Variants in MLLT3 observed in about 807,000 individuals in gnomAD.
MLLT3 encodes the protein MLLT3 super elongation complex subunit.
Under a neutral mutation model 53.2 loss-of-function variants are expected in MLLT3, and 4 were observed. The observed-to-expected ratio is 0.08, with a 90% CI of 0.04 to 0.17. The LOEUF is 0.17. MLLT3 is among the 10% of genes least tolerant of loss of function. The pLI, the probability that MLLT3 is intolerant of heterozygous loss-of-function variation, is 1.00. For missense variants in MLLT3, 569 were observed against 684.0 expected (o/e 0.83, Z 1.87); for synonymous variants, 283 against 230.6 (o/e 1.23, Z -2.06).
intron 2 of MLLT3, among the ~76,000 whole-genome samples, chr9:20,585,987 C>G (rs1046809028): frequency 6.6e-6 from 1 of 152,076 alleles, no homozygotes; most frequent in Non-Finnish European, 1.5e-5. Flanking sequence ...CTTTTCCTCA[C>G]GGGCTGCTGA....
At chr9:20,467,886 T>G (rs1485958817) in intron 2 of MLLT3, among the ~76,000 whole-genome samples, 2 of 152,240 alleles carry the variant, frequency 1.3e-5, no homozygotes, top group Non-Finnish European at 2.9e-5. Flanking sequence ...TGGCAGGTGT[T>G]TTCCTCACTT....
At chr9:20,437,019 G>T (rs1243100821) in intron 4 of MLLT3, among the ~76,000 whole-genome samples, 1 of 151,966 alleles carries the variant, frequency 6.6e-6, no homozygotes, top group East Asian at 1.9e-4. Context: ...TTAGTAATGT[G>T]CCCAAAGACA....
At chr9:20,611,655 A>T (rs1197908181) in intron 2 of MLLT3, among the ~76,000 whole-genome samples, 1 of 151,940 alleles carries the variant, frequency 6.6e-6, no homozygotes, top group African/African-American at 2.4e-5. Context: ...TTTCTTTAAT[A>T]AAAAAAATGG....
At chr9:20,560,676 T>C (rs1571651) in intron 2 of MLLT3, among the ~76,000 whole-genome samples, 108,404 of 152,144 alleles carry the variant, frequency 0.71, 41,325 homozygotes, top group Middle Eastern at 0.89. Flanking sequence ...ATTTTAAGGA[T>C]TGTGGGCGGG....
chr9:20,596,230 A>G (rs1300135015), intron 2 of MLLT3, among the ~76,000 whole-genome samples: 1 of 152,246 alleles, frequency 6.6e-6, no homozygotes, highest in Non-Finnish European at 1.5e-5. Context: ...ATAAATGCTG[A>G]ATAAAAGCTT....
intron 2 of MLLT3, among the ~76,000 whole-genome samples, chr9:20,474,846 CTCA>C (rs1824482439): frequency 6.6e-6 from 1 of 152,066 alleles, no homozygotes; most frequent in African/African-American, 2.4e-5. Context: ...TATTCCAAAT[CTCA>C]TCAAGACTTG....
At chr9:20,397,418 G>A (rs1271379706) in intron 5 of MLLT3, among the ~76,000 whole-genome samples, 1 of 152,042 alleles carries the variant, frequency 6.6e-6, no homozygotes, top group Non-Finnish European at 1.5e-5. Context: ...ACCCACCAGC[G>A]ATTGGCAAGA....
At chr9:20,590,747 T>C (rs1197299809) in intron 2 of MLLT3, among the ~76,000 whole-genome samples, 3 of 152,166 alleles carry the variant, frequency 2.0e-5, no homozygotes, top group Admixed American at 6.5e-5. Context: ...CTTCTTTTTT[T>C]TCCTTAGTGG....
chr9:20,369,032 C>T (rs1215796845), intron 5 of MLLT3, among the ~76,000 whole-genome samples: 2 of 152,074 alleles, frequency 1.3e-5, no homozygotes, highest in Non-Finnish European at 2.9e-5. Context: ...GCCTACAGCC[C>T]CACCCAGGAG....
intron 2 of MLLT3, among the ~76,000 whole-genome samples, chr9:20,534,828 G>A (rs979767509): frequency 1.3e-5 from 2 of 152,174 alleles, no homozygotes; most frequent in Non-Finnish European, 2.9e-5. Flanking sequence ...AGAGCTTGCA[G>A]TGAGCTGAGA....
chr9:20,357,634 C>A (rs1821201761), intron 8 of MLLT3, among the ~76,000 whole-genome samples: 1 of 152,176 alleles, frequency 6.6e-6, no homozygotes, highest in African/African-American at 2.4e-5. Flanking sequence ...CAACAGTACT[C>A]AGGTTAATTA....
At chr9:20,617,608 T>C (rs896742403) in intron 2 of MLLT3, among the ~76,000 whole-genome samples, 1 of 152,212 alleles carries the variant, frequency 6.6e-6, no homozygotes, top group African/African-American at 2.4e-5. Context: ...ATTTCAGTCA[T>C]ATCAGACTAG....
At chr9:20,548,679 C>A (rs1818850296) in intron 2 of MLLT3, among the ~76,000 whole-genome samples, 1 of 152,130 alleles carries the variant, frequency 6.6e-6, no homozygotes, top group Non-Finnish European at 1.5e-5. Context: ...TCTGCGGGCT[C>A]TGGGCAGCAG....
intron 2 of MLLT3, among the ~76,000 whole-genome samples, chr9:20,480,160 G>A (rs1237780827): frequency 6.6e-6 from 1 of 152,180 alleles, no homozygotes; most frequent in Non-Finnish European, 1.5e-5. Flanking sequence ...AGGCAAAGAA[G>A]TAAGCAAAAT....
chr9:20,404,258 G>C (rs962194144), intron 5 of MLLT3, among the ~76,000 whole-genome samples: 1 of 152,182 alleles, frequency 6.6e-6, no homozygotes, highest in Non-Finnish European at 1.5e-5. Context: ...TGTGATCATG[G>C]ATTATAAATC....
At chr9:20,580,523 T>C (rs1174031333) in intron 2 of MLLT3, among the ~76,000 whole-genome samples, 2 of 152,160 alleles carry the variant, frequency 1.3e-5, no homozygotes, top group Admixed American at 1.3e-4. Context: ...TCTTGGACAG[T>C]TTTTTTAATC....
chr9:20,455,935 T>C (rs935733207), intron 3 of MLLT3, among the ~76,000 whole-genome samples: 12 of 145,150 alleles, frequency 8.3e-5, no homozygotes, highest in African/African-American at 3.4e-4. Context: ...AACTTTTTTT[T>C]TTTTTTTTTT....
At chr9:20,505,387 AC>A (rs1278667463) in intron 2 of MLLT3, among the ~76,000 whole-genome samples, 2 of 152,150 alleles carry the variant, frequency 1.3e-5, no homozygotes, top group African/African-American at 2.4e-5. Context: ...TAAATTATAA[AC>A]TTTTTTTTCC....
intron 2 of MLLT3, chr9:20,533,172 G>T: frequency 3.5e-6 from 1 of 282,908 alleles, no homozygotes. Context: ...CCTTTACACA[G>T]GTTAACTTGG....
Sources: allele counts gnomAD v4.1 joint callset (sites outside exome capture counted in the v4.1 genomes callset), GRCh38; gene constraint gnomAD v4.1.1; transcripts MANE v1.5; gene names NCBI Gene and HGNC (gene_info 2026-07-23, HGNC 2026-07-21).